The following ADGRD1 variants were observed in gnomAD, a reference collection of about 807,000 sequenced individuals.
The protein encoded by ADGRD1 is G-protein coupled receptor 133.
In ADGRD1, 77 loss-of-function variants were observed where a neutral mutation model predicts 113.4. The observed-to-expected ratio is 0.68, with a 90% CI of 0.57 to 0.82. The LOEUF is 0.82. Among genes scored for constraint, ADGRD1 ranks in the 40% least tolerant of loss-of-function variants. The pLI, the probability that ADGRD1 is intolerant of heterozygous loss-of-function variation, is 0.00. For missense variants in ADGRD1, 1,036 were observed against 1,139.1 expected, an observed-to-expected ratio of 0.91 and a Z score of 1.30; for synonymous variants, 474 against 475.0, an observed-to-expected ratio of 1.00 and a Z score of 0.03.
chr12:130,973,017 G>A (rs1871873202), intron 4 of ADGRD1: 1 of 152,176 alleles, frequency 6.6e-6, no homozygotes, highest in East Asian at 1.9e-4. Flanking sequence ...CGGTTGGACG[G>A]GCATCGGGTT....
chr12:131,092,005 G>A (rs749571513), intron 15 of ADGRD1: 3 of 152,276 alleles, frequency 2.0e-5, no homozygotes, highest in East Asian at 1.9e-4. Context: ...GGAACTTAGG[G>A]AAAGAGATGT....
At chr12:131,044,588 C>G (rs1046372704) in intron 13 of ADGRD1, among the ~76,000 whole-genome samples, 2 of 152,184 alleles carry the variant, frequency 1.3e-5, no homozygotes, top group African/African-American at 2.4e-5. Context: ...ATTCCAAATG[C>G]TGGCAGTGTC....
rs1421365834 is a variant in ADGRD1 at position 131,084,870 on chromosome 12, C to G, written c.1671+207C>G. ...GGGTGCCAGCAAATATCCGAGGAGC[C>G]CATGATTGTGTAAATCGAGTCCAGT... On this transcript the variant is annotated intron_variant, in intron 15 of 24. Coordinates refer to ENST00000261654, the MANE Select transcript of ADGRD1 (RefSeq NM_198827.5). The surrounding 1 kb of genome is among the most constrained non-coding windows in gnomAD (Gnocchi z 4.5). Among the ~76,000 whole-genome samples the G allele has an allele frequency of 6.6e-6, 1 of 152,204 alleles. No homozygotes were observed. The highest frequency in any genetic ancestry group is 2.4e-5 in the African/African-American group (1 of 41,444).
chr12:131,021,292 C>T (rs1183200115), intron 13 of ADGRD1, among the ~76,000 whole-genome samples: 1 of 152,088 alleles, frequency 6.6e-6, no homozygotes, highest in East Asian at 1.9e-4. Context: ...CTCATCTCGG[C>T]TGGCACAGAG....
chr12:131,138,627 T>C (rs1021131163), intron 24 of ADGRD1, among the ~76,000 whole-genome samples: 4 of 152,112 alleles, frequency 2.6e-5, no homozygotes, highest in Non-Finnish European at 5.9e-5. Flanking sequence ...CCTGCTCAGG[T>C]GTCCCATCCT....
At chr12:131,128,787 G>A (rs1340034460) in intron 20 of ADGRD1, among the ~76,000 whole-genome samples, 1 of 152,132 alleles carries the variant, frequency 6.6e-6, no homozygotes, top group Non-Finnish European at 1.5e-5. Context: ...AGAGCTGCCT[G>A]AGTCTGTCTC....
chr12:130,983,989 T>C (rs1023108481), intron 5 of ADGRD1, among the ~76,000 whole-genome samples: 3 of 152,128 alleles, frequency 2.0e-5, no homozygotes, highest in Non-Finnish European at 4.4e-5. Flanking sequence ...CAAATGCTGG[T>C]TGATGGAGGT....
chr12:130,995,562 T>G (rs1399017099), intron 8 of ADGRD1, among the ~76,000 whole-genome samples: 1 of 151,960 alleles, frequency 6.6e-6, no homozygotes, highest in Non-Finnish European at 1.5e-5. Flanking sequence ...TAGAGAGAGG[T>G]AGTGGCAGCC....
At chr12:131,070,780 T>C (rs1885095209) in intron 13 of ADGRD1, 3 of 517,688 alleles carry the variant, frequency 5.8e-6, no homozygotes, top group African/African-American at 5.8e-5. Context: ...CTTAGCTGAT[T>C]GGACTGTGGA....
At chr12:131,064,454 T>A (rs1050381555) in intron 13 of ADGRD1, among the ~76,000 whole-genome samples, 1 of 152,244 alleles carries the variant, frequency 6.6e-6, no homozygotes, top group Non-Finnish European at 1.5e-5. Context: ...TTACACTAAT[T>A]TTCAAGTATT....
At chr12:130,986,625 T>C (rs1265142310) in intron 5 of ADGRD1, among the ~76,000 whole-genome samples, 1 of 151,410 alleles carries the variant, frequency 6.6e-6, no homozygotes, top group Non-Finnish European at 1.5e-5. Context: ...CCAATATTTA[T>C]ATTCTTATTT....
chr12:131,071,900 A>C (rs2137140291), intron 13 of ADGRD1, among the ~76,000 whole-genome samples: 2 of 150,632 alleles, frequency 1.3e-5, no homozygotes, highest in Non-Finnish European at 3.0e-5. Context: ...GCTAAATGCC[A>C]AATGCAGAAC....
At chr12:131,039,091 C>G (rs1352561171) in intron 13 of ADGRD1, among the ~76,000 whole-genome samples, 1 of 152,208 alleles carries the variant, frequency 6.6e-6, no homozygotes, top group Non-Finnish European at 1.5e-5. Context: ...TCGAAGGCCC[C>G]GAGCTGTGTG....
intron 15 of ADGRD1, among the ~76,000 whole-genome samples, chr12:131,093,551 T>C (rs1887056901): frequency 6.6e-6 from 1 of 152,130 alleles, no homozygotes; most frequent in South Asian, 2.1e-4. Context: ...AATTACACGG[T>C]GTTGCTGGGA....
chr12:131,055,462 C>T (rs192045224), intron 13 of ADGRD1, among the ~76,000 whole-genome samples: 116 of 152,340 alleles, frequency 7.6e-4, no homozygotes, highest in Middle Eastern at 3.4e-3. Flanking sequence ...TCACATCTCA[C>T]AGGTTCCCTT....
At chr12:131,135,668 T>C (rs7956160) in intron 21 of ADGRD1, among the ~76,000 whole-genome samples, 151,103 of 152,286 alleles carry the variant, frequency 0.99, 74,975 homozygotes, top group East Asian at 1. Flanking sequence ...CTGCGGGGGA[T>C]GCTCTGCTGC....
chr12:131,123,591 G>A (rs559508861), intron 20 of ADGRD1, among the ~76,000 whole-genome samples: 1 of 152,048 alleles, frequency 6.6e-6, no homozygotes, highest in South Asian at 2.1e-4. Context: ...GGAGGCCAAG[G>A]CAGGCGGATC....
chr12:131,085,565 G>A (rs1021940607), intron 15 of ADGRD1, among the ~76,000 whole-genome samples: 4 of 152,262 alleles, frequency 2.6e-5, no homozygotes, highest in Admixed American at 1.3e-4. Context: ...GGTGGGGCAC[G>A]TAGACGCTCA....
rs1157355593 is a variant in ADGRD1, at chr12:131,022,276, T to C, written c.1473+7936T>C. ...GCCAGATGAACCCACTGTAAAGGGA[T>C]GGTTTTCCCCTTTGCCTAGAATAAA... On this transcript the variant is annotated intron_variant, in intron 13 of 24. Transcript: ENST00000261654. The surrounding 1 kb of genome is among the most constrained non-coding windows in gnomAD (Gnocchi z 4.6). 1.3e-5 allele frequency among the ~76,000 whole-genome samples: 2 copies of C among 152,160 alleles called. No homozygotes were observed. The highest frequency in any genetic ancestry group is 6.5e-5 in the Admixed American group (1 of 15,284).
Sources: gnomAD v4.1 joint callset for allele counts (sites outside exome capture counted in the v4.1 genomes callset) on GRCh38, gnomAD v4.1.1 for gene constraint, Gnocchi (gnomAD v3.1) non-coding constraint, MANE v1.5 for transcripts, NCBI Gene and HGNC (gene_info 2026-07-23, HGNC 2026-07-21) for gene names.